SFSWAP: variants seen among roughly 807,000 people sequenced by gnomAD.
The protein encoded by SFSWAP is splicing factor SWAP.
A neutral mutation model predicts 100.7 loss-of-function variants in SFSWAP; 17 were observed. That is an observed-to-expected ratio of 0.17 (90% CI 0.12 to 0.25). SFSWAP has a LOEUF of 0.25. Ranked by LOEUF, SFSWAP falls within the 10% of genes least tolerant of loss-of-function variation. The pLI is 1.00. For missense variants in SFSWAP, 1,005 were observed against 1,262.6 expected (o/e 0.80, Z 3.09); for synonymous variants, 504 against 510.1 (o/e 0.99, Z 0.16).
chr12:131,775,093 T>C (rs1883906562), intron 13 of SFSWAP, among the ~76,000 whole-genome samples: 1 of 152,196 alleles, frequency 6.6e-6, no homozygotes, highest in Non-Finnish European at 1.5e-5. Flanking sequence ...GGACCATGTT[T>C]TTCCATCTCC....
At chr12:131,718,888 A>T (rs1057000002) in intron 3 of SFSWAP, among the ~76,000 whole-genome samples, 1 of 152,206 alleles carries the variant, frequency 6.6e-6, no homozygotes, top group African/African-American at 2.4e-5. Flanking sequence ...CTGGGAGTGG[A>T]TGTGATGACT....
intron 14 of SFSWAP, 21 bp from the exon 15 acceptor site, chr12:131,786,442 A>G (rs2136271292): frequency 6.3e-7 from 1 of 1,580,534 alleles, no homozygotes; most frequent in Non-Finnish European, 8.6e-7. Flanking sequence ...AGAGCTGAAC[A>G]CTGCCTCCTC....
Position 131,778,311 on chromosome 12 carries a change from C to T in SFSWAP, c.2389C>T (p.Arg797Trp). 1 of 1,613,840 alleles carries T rather than the reference C, an allele frequency of 6.2e-7. No homozygotes were observed. The highest frequency in any genetic ancestry group is 8.5e-7 in the Non-Finnish European group (1 of 1,179,846). ...AAAGCATTCTCTTCCCAGTGCCTAT[C>T]GGACAGTGCGGCGGTCGAGGTGGGT... ...KAKHSLPSAY[R>W]TVRRSRSRSR... Residue 797 changes from arginine (R) to tryptophan (W), a missense_variant, in exon 14 of 18, where the codon CGG (arginine) becomes TGG (tryptophan). Arg to Trp is a moderately radical substitution (Grantham distance 101). Transcript: ENST00000261674. The surrounding 1 kb of genome is among the most constrained non-coding windows in gnomAD (Gnocchi z 4.2).
intron 15 of SFSWAP, among the ~76,000 whole-genome samples, chr12:131,792,709 C>G (rs1885356687): frequency 6.6e-6 from 1 of 152,264 alleles, no homozygotes; most frequent in African/African-American, 2.4e-5. Flanking sequence ...CCAGGACTCT[C>G]AAGAACATAG....
At chr12:131,766,348 G>C in intron 13 of SFSWAP, 40 bp downstream of exon 13, 1 of 1,573,570 alleles carries the variant, frequency 6.4e-7, no homozygotes, top group Non-Finnish European at 8.7e-7. Context: ...GGGGCTGTGT[G>C]ATACATAGAG....
intron 15 of SFSWAP, chr12:131,796,225 C>G (rs1332253669): frequency 6.6e-6 from 1 of 152,346 alleles, no homozygotes; most frequent in Non-Finnish European, 1.5e-5. Flanking sequence ...GAGGGCCTCA[C>G]AGGAAGGGCT....
rs1433182404 is a variant in SFSWAP at position 131,778,370 on chromosome 12, C to A, written c.2408+40C>A. On this transcript the variant is annotated intron_variant, in intron 14 of 17. Transcript: ENST00000261674. This position sits in a 1 kb window ranked among gnomAD's most constrained non-coding sequence, Gnocchi z 4.2. ...GGCAGCACCTCTGGTACCCTCATGA[C>A]CCCCATGTCCTTCACAGGACACCCA... 1.3e-6 allele frequency: 2 copies of A among 1,587,880 alleles called. No individual in the cohort carries two copies. Among genetic ancestry groups the A allele is most frequent in the East Asian group, 2.2e-5 (1 of 44,586 alleles).
At chr12:131,768,043 G>A (rs1283752647) in intron 13 of SFSWAP, among the ~76,000 whole-genome samples, 1 of 152,256 alleles carries the variant, frequency 6.6e-6, no homozygotes, top group Non-Finnish European at 1.5e-5. Flanking sequence ...GCATGCGCGT[G>A]CTCGCTCATC....
intron 13 of SFSWAP, 103 bp from the exon 14 acceptor site, chr12:131,777,962 C>G: frequency 6.6e-7 from 1 of 1,507,510 alleles, no homozygotes; most frequent in Non-Finnish European, 8.8e-7. Flanking sequence ...GAGATGGTTG[C>G]TGTGTTTGTT....
At chr12:131,793,140 G>A (rs1885396631) in intron 15 of SFSWAP, among the ~76,000 whole-genome samples, 1 of 151,990 alleles carries the variant, frequency 6.6e-6, no homozygotes, top group African/African-American at 2.4e-5. Flanking sequence ...AAGCTGGAGT[G>A]CAGCAGTGGT....
In SFSWAP at chr12:131,730,530, C is replaced by T. The variant is rs994260879; in HGVS notation, c.1081+2102C>T. ...GGCCGTTCTGTGACACACAGCATCC[C>T]CTGGTCTGGTGGGAATGTGATCTGA... On this transcript the variant is annotated intron_variant, in intron 7 of 17. Coordinates refer to ENST00000261674, the MANE Select transcript of SFSWAP (RefSeq NM_004592.4). The surrounding 1 kb of genome is among the most constrained non-coding windows in gnomAD (Gnocchi z 4.0). Among the ~76,000 whole-genome samples the T allele has an allele frequency of 6.6e-6, 1 of 152,190 alleles. No homozygotes were observed. Among genetic ancestry groups the T allele is most frequent in the Non-Finnish European group, 1.5e-5 (1 of 68,028 alleles).
intron 7 of SFSWAP, 74 bp downstream of exon 7, chr12:131,728,502 C>G: frequency 2.0e-6 from 3 of 1,504,712 alleles, no homozygotes; most frequent in South Asian, 1.2e-5. Context: ...GCTCTAAACC[C>G]CAAGTGTTCT....
rs1460638780 is a variant in SFSWAP, at chr12:131,751,182, T to G, written c.1082-1941T>G. 2.6e-5 allele frequency among the ~76,000 whole-genome samples: 4 copies of G among 152,388 alleles called. No individual in the cohort carries two copies. In the East Asian group the frequency reaches 7.7e-4, roughly 29 times the overall value. ...GAAAACAGTTTCTTCATCTCTGTTG[T>G]GTTCCAGTGTGATTGCACTTTACAC... is the stretch of plus-strand genomic sequence containing the variant. On this transcript the variant is annotated intron_variant, in intron 7 of 17. Transcript: ENST00000261674.
intron 4 of SFSWAP, among the ~76,000 whole-genome samples, chr12:131,720,850 A>G (rs1157808943): frequency 6.6e-6 from 1 of 151,660 alleles, no homozygotes; most frequent in Non-Finnish European, 1.5e-5. Flanking sequence ...AACTTTTTGG[A>G]TTTTGCCTAG....
intron 7 of SFSWAP, among the ~76,000 whole-genome samples, chr12:131,752,725 CAT>C (rs1045257374): frequency 6.6e-6 from 1 of 152,230 alleles, no homozygotes; most frequent in African/African-American, 2.4e-5. Context: ...CATTTCCTCA[CAT>C]GTGCATTTAG....
intron 7 of SFSWAP, among the ~76,000 whole-genome samples, chr12:131,732,931 G>A (rs1027663145): frequency 3.9e-5 from 6 of 152,310 alleles, no homozygotes; most frequent in East Asian, 1.9e-4. Flanking sequence ...CTGGGGCCCC[G>A]TGGGGTCTGG....
Position 131,756,530 on chromosome 12 carries a change from G to T in SFSWAP, c.1606G>T (p.Ala536Ser), listed in dbSNP as rs375403429. 2 of 1,613,994 alleles carry T rather than the reference G, an allele frequency of 1.2e-6. No individual in the cohort carries two copies. The highest frequency in any genetic ancestry group is 2.7e-5 in the African/African-American group (2 of 74,946). Residue 536 changes from alanine to serine, a missense_variant, in exon 11 of 18, where the codon GCT becomes TCT. By Grantham distance (99) the Ala-to-Ser change is moderately conservative. Coordinates refer to ENST00000261674, the MANE Select transcript of SFSWAP (RefSeq NM_004592.4). ...CTCTGCTCCCGAGAAGCCAAGTGAT[G>T]CTGGGGAGGATGGCGCGCCTGAAGA... ...TDSAPEKPSD[A>S]GEDGAPEDAA...
intron 7 of SFSWAP, 99 bp from the exon 8 acceptor site, chr12:131,753,024 C>T: frequency 6.6e-7 from 1 of 1,512,506 alleles, no homozygotes; most frequent in Non-Finnish European, 9.1e-7. Context: ...AGAGGCAAGG[C>T]TGCATCTTGC....
At chr12:131,788,181 G>A (rs1885022779) in intron 15 of SFSWAP, among the ~76,000 whole-genome samples, 2 of 152,338 alleles carry the variant, frequency 1.3e-5, no homozygotes, top group Middle Eastern at 3.4e-3. Context: ...GAGACCTCGT[G>A]TGAGCAAGTA....
Sources: allele counts gnomAD v4.1 joint callset (sites outside exome capture counted in the v4.1 genomes callset), GRCh38; gene constraint gnomAD v4.1.1; non-coding constraint Gnocchi (gnomAD v3.1); transcripts MANE v1.5; gene names NCBI Gene and HGNC (gene_info 2026-07-23, HGNC 2026-07-21).